HESX1: variants seen among roughly 807,000 people sequenced by gnomAD.
The protein encoded by HESX1 is HESX homeobox 1.
A neutral mutation model predicts 22.5 loss-of-function variants in HESX1; 11 were observed. The ratio of observed to expected loss-of-function variants is 0.49; its 90% CI spans 0.31 to 0.81. HESX1 has a LOEUF of 0.81. Ranked by LOEUF, HESX1 falls within the 30% of genes least tolerant of loss-of-function variation. HESX1 has a pLI of 0.05. For synonymous variants in HESX1, 74 were observed against 76.5 expected, an observed-to-expected ratio of 0.97 and a Z score of 0.17; for missense variants, 201 against 212.6, an observed-to-expected ratio of 0.95 and a Z score of 0.34.
intron 1 of HESX1, among the ~76,000 whole-genome samples, chr3:57,222,977 A>G (rs1227306155): frequency 2.0e-5 from 3 of 152,292 alleles, no homozygotes; most frequent in Non-Finnish European, 4.4e-5. Context: ...GCTTCCTTAA[A>G]TGTATTAAAA....
At chr3:57,212,870 G>C (rs912675694) in intron 1 of HESX1, among the ~76,000 whole-genome samples, 3 of 152,058 alleles carry the variant, frequency 2.0e-5, no homozygotes, top group African/African-American at 7.2e-5. Context: ...GTATACATGT[G>C]CCATGTTGGT....
intron 1 of HESX1, among the ~76,000 whole-genome samples, chr3:57,223,307 AC>A (rs1268061591): frequency 3.3e-5 from 5 of 152,232 alleles, no homozygotes; most frequent in African/African-American, 1.2e-4. Context: ...GCCTGCTCAG[AC>A]AAATTAATTA....
At chr3:57,202,997 A>T (rs2060498885), upstream of HESX1, among the ~76,000 whole-genome samples, 1 of 152,222 alleles carries the variant, frequency 6.6e-6, no homozygotes, top group South Asian at 2.1e-4. Context: ...CAGTGGTACC[A>T]GGTGCATTTG....
intron 1 of HESX1, among the ~76,000 whole-genome samples, chr3:57,206,986 C>T (rs1480304152): frequency 6.6e-6 from 1 of 151,988 alleles, no homozygotes; most frequent in African/African-American, 2.4e-5. Context: ...TTCAGTCTGT[C>T]GCCCAGGCTG....
chr3:57,202,393 T>C (rs1005792408), upstream of HESX1, among the ~76,000 whole-genome samples: 2 of 152,078 alleles, frequency 1.3e-5, no homozygotes, highest in Admixed American at 6.6e-5. Flanking sequence ...TGGAGTGCGG[T>C]GGCGTGATCT....
chr3:57,199,455 T>G (rs1290518541), intron 1 of HESX1, among the ~76,000 whole-genome samples: 1 of 151,664 alleles, frequency 6.6e-6, no homozygotes, highest in East Asian at 1.9e-4. Flanking sequence ...CCCCCTCTAC[T>G]AAAAAATACA....
At chr3:57,199,534 G>A (rs757596636) in intron 1 of HESX1, among the ~76,000 whole-genome samples, 15 of 151,744 alleles carry the variant, frequency 9.9e-5, no homozygotes, top group African/African-American at 2.2e-4. Flanking sequence ...CAGGAGAATC[G>A]TTTGAACCCA....
rs377246247 is a variant in HESX1, at chr3:57,198,231, G to A, written c.524C>T (p.Ala175Val). Residue 175 changes from alanine to valine, a missense_variant, in exon 4 of 4, where the codon GCG (alanine) becomes GTG (valine). By Grantham distance (64) the Ala-to-Val change is moderately conservative. Transcript: ENST00000295934. ...RSHRESQFLM[A>V]KKNFNTNLLE ...CAGATTTGTGTTGAAATTTTTTTTCGCCATTAGAAACTGTGATTCTCTATG... is the reference window on the plus strand; with the variant it reads ...CAGATTTGTGTTGAAATTTTTTTTCACCATTAGAAACTGTGATTCTCTATG... 11 of 1,610,714 alleles carry A rather than the reference G, an allele frequency of 6.8e-6. No individual in the cohort carries two copies. The highest frequency in any genetic ancestry group is 6.6e-5 in the South Asian group (6 of 90,780).
At position 57,199,745 on chromosome 3, in the gene HESX1, A is replaced by G. The variant is rs772406424; in HGVS notation, c.157+17T>C. On this transcript the variant is annotated intron_variant, in intron 1 of 3. Coordinates refer to ENST00000295934, the MANE Select transcript of HESX1 (RefSeq NM_003865.3). Reference sequence around the variant, plus strand: ...AATGAAATAACAAAGAATTGAAACAATTAAGCTGTGGCATACCTGATGAGC... The same window carrying G: ...AATGAAATAACAAAGAATTGAAACAGTTAAGCTGTGGCATACCTGATGAGC... The G allele has an allele frequency of 1.9e-6, 3 of 1,613,488 alleles. No individual in the cohort carries two copies. The highest frequency in any genetic ancestry group is 2.2e-5 in the East Asian group (1 of 44,884).
chr3:57,208,758 C>T (rs1202828039), intron 1 of HESX1, among the ~76,000 whole-genome samples: 1 of 150,586 alleles, frequency 6.6e-6, no homozygotes, highest in African/African-American at 2.4e-5. Flanking sequence ...GTCAGGAGTT[C>T]GAGACCAGCC....
chr3:57,213,390 G>C (rs567764674), intron 1 of HESX1, among the ~76,000 whole-genome samples: 8 of 152,254 alleles, frequency 5.3e-5, no homozygotes, highest in African/African-American at 1.7e-4. Flanking sequence ...CTTATGTCCT[G>C]CCTGGATTGA....
At chr3:57,224,995 C>T (rs1268892996) in intron 1 of HESX1, among the ~76,000 whole-genome samples, 1 of 152,094 alleles carries the variant, frequency 6.6e-6, no homozygotes, top group Non-Finnish European at 1.5e-5. Flanking sequence ...ACTCTACTAC[C>T]CACACGAGTC....
At chr3:57,216,323 TCTGGG>T (rs1305800756) in intron 1 of HESX1, among the ~76,000 whole-genome samples, 1 of 152,202 alleles carries the variant, frequency 6.6e-6, no homozygotes, top group East Asian at 1.9e-4. Context: ...TTTAAGGTTA[TCTGGG>T]CTGGGCACAT....
At chr3:57,219,657 G>A (rs112629162) in intron 1 of HESX1, among the ~76,000 whole-genome samples, 10,727 of 151,708 alleles carry the variant, frequency 0.071, 1,265 homozygotes, top group African/African-American at 0.24. Context: ...GTGAGCCACC[G>A]CACCTGGCCT....
In HESX1 at chr3:57,205,247, A is replaced by C. The variant is rs1246663223; in HGVS notation, c.-110-5219T>G. On this transcript the variant is annotated intron_variant, in intron 1 of 2. Coordinates refer to the HESX1 transcript ENST00000495160. Reference sequence around the variant, plus strand: ...AACACAGTGAGACCCCAACTCTACAAAACAATTAAAAAATTAGCCAGGCAT... The same window carrying C: ...AACACAGTGAGACCCCAACTCTACACAACAATTAAAAAATTAGCCAGGCAT... Among the ~76,000 whole-genome samples the C allele has an allele frequency of 2.0e-5, 3 of 152,038 alleles. No homozygotes were observed. The East Asian group carries it at 5.8e-4, about 29-fold the overall frequency.
At chr3:57,221,700 G>A (rs765003470) in intron 1 of HESX1, among the ~76,000 whole-genome samples, 4 of 151,994 alleles carry the variant, frequency 2.6e-5, no homozygotes, top group Non-Finnish European at 5.9e-5. Flanking sequence ...TCTGCCTCCC[G>A]GGTTCAAGCG....
Position 57,211,527 on chromosome 3 carries a change from C to CAAAAA in HESX1, c.-110-11504_-110-11500dup, listed in dbSNP as rs61137408. The stretch of plus-strand genomic sequence containing the variant: ...TCTGGGTGACAGAGAGAGACCTTGT[C>CAAAAA]AAAAAAAAAAAAAAAAAAAAAAAAG... On this transcript the variant is annotated intron_variant, in intron 1 of 2. Coordinates refer to the HESX1 transcript ENST00000495160. Among the ~76,000 whole-genome samples, 198 of 31,972 alleles carry CAAAAA rather than the reference C, an allele frequency of 6.2e-3. 28 individuals carry two copies. Among genetic ancestry groups the CAAAAA allele is most frequent in the African/African-American group, 0.03 (174 of 5,858 alleles). The allele number at this position is 31,972 out of a possible 152,430, so 21.0% of individuals were successfully genotyped here. A position where few individuals can be genotyped will look rare whatever the true frequency, so the allele number is the denominator to read the frequency against.
intron 1 of HESX1, among the ~76,000 whole-genome samples, chr3:57,212,353 G>T (rs1392700857): frequency 1.3e-5 from 2 of 152,042 alleles, no homozygotes; most frequent in African/African-American, 4.8e-5. Flanking sequence ...GAGGTCAAGA[G>T]ATCGAGACCA....
chr3:57,198,481 T>A lies in HESX1; in HGVS notation c.369A>T (p.Leu123Phe). 1 of 1,579,002 alleles carries A rather than the reference T, an allele frequency of 6.3e-7. No individual in the cohort carries two copies. The highest frequency in any genetic ancestry group is 8.7e-7 in the Non-Finnish European group (1 of 1,151,360). ...TAFTQNQIEV[L>F]ENVFRVNCYP... ...AGCAGTTTACTCTAAAGACATTTTC[T>A]AACACTTCAATCTAAGAAAAAAAAA... Residue 123 changes from leucine to phenylalanine, a missense_variant, in exon 3 of 4, where the codon TTA becomes TTT. Leu to Phe is a conservative substitution (Grantham distance 22). Transcript: ENST00000295934.
Sources: gnomAD v4.1 joint callset for allele counts (sites outside exome capture counted in the v4.1 genomes callset) on GRCh38, gnomAD v4.1.1 for gene constraint, MANE v1.5 for transcripts, NCBI Gene and HGNC (gene_info 2026-07-23, HGNC 2026-07-21) for gene names.